INPP5D: variants seen among roughly 807,000 people sequenced by gnomAD.
INPP5D encodes the protein phosphatidylinositol 3,4,5-trisphosphate 5-phosphatase 1.
Under a neutral mutation model 122.9 loss-of-function variants are expected in INPP5D, and 33 were observed. The observed-to-expected ratio is 0.27, with a 90% confidence interval of 0.20 to 0.36. The LOEUF (loss-of-function observed/expected upper bound fraction) is 0.36, where lower values mean the gene tolerates loss of function less well. Among genes scored for constraint, INPP5D ranks in the 10% least tolerant of loss-of-function variants. The pLI is 1.00. For synonymous variants in INPP5D, 584 were observed against 576.2 expected, an observed-to-expected ratio of 1.01 and a Z score of -0.19; for missense variants, 1,053 against 1,412.7, an observed-to-expected ratio of 0.75 and a Z score of 4.08.
intron 2 of INPP5D, among the ~76,000 whole-genome samples, chr2:233,118,340 C>T (rs1452405052): frequency 6.6e-6 from 1 of 152,214 alleles, no homozygotes; most frequent in African/African-American, 2.4e-5. Flanking sequence ...CTGCTCCTCT[C>T]TGCACTGCAC....
At position 233,137,855 on chromosome 2, in the gene INPP5D, T is replaced by A. The variant is rs991738470; in HGVS notation, c.666-1987T>A. 5.4e-3 allele frequency among the ~76,000 whole-genome samples: 128 copies of A among 23,830 alleles called. 11 individuals are homozygous for A. The highest frequency in any genetic ancestry group is 0.017 in the South Asian group (7 of 406). 15.6% of individuals were successfully genotyped at this position (23,830 alleles called of 152,430 possible). A position where few individuals can be genotyped will look rare whatever the true frequency, so the allele number is the denominator to read the frequency against. On this transcript the variant is annotated intron_variant, in intron 5 of 26. Coordinates refer to ENST00000445964, the MANE Select transcript of INPP5D (RefSeq NM_001017915.3). ...CACAAAAAAAAAAAAAAAAAAAAAA[T>A]ATATATATATATATATATATATATA...
At position 233,082,461 on chromosome 2, in the gene INPP5D, A is replaced by G. The variant is rs1559280032; in HGVS notation, c.198+3063A>G. Among the ~76,000 whole-genome samples, 1 of 152,204 alleles carries G rather than the reference A, an allele frequency of 6.6e-6. No individual in the cohort carries two copies. Among genetic ancestry groups the G allele is most frequent in the Non-Finnish European group, 1.5e-5 (1 of 68,040 alleles). ...CTGACACCTGAGCCTGTTCAGTGCCACCAGAATACGAGGCTCCCCAAAATA... is the reference window on the plus strand; with the variant it reads ...CTGACACCTGAGCCTGTTCAGTGCCGCCAGAATACGAGGCTCCCCAAAATA... On this transcript the variant is annotated intron_variant, in intron 2 of 26. Coordinates refer to ENST00000445964, the MANE Select transcript of INPP5D (RefSeq NM_001017915.3). The surrounding 1 kb of genome is among the most constrained non-coding windows in gnomAD (Gnocchi z 4.7).
chr2:233,102,786 C>T (rs1271079277), intron 2 of INPP5D, among the ~76,000 whole-genome samples: 1 of 149,080 alleles, frequency 6.7e-6, no homozygotes, highest in Middle Eastern at 3.3e-3. Flanking sequence ...GGAAGCGGAG[C>T]TTGCAGTGAG....
intron 9 of INPP5D, among the ~76,000 whole-genome samples, chr2:233,149,024 AT>A (rs369942525): frequency 1.5e-3 from 228 of 151,028 alleles, no homozygotes; most frequent in African/African-American, 5.4e-3. Context: ...TGCAACAATG[AT>A]TCACAGTTTT....
chr2:233,169,180 G>C, intron 13 of INPP5D, 125 bp from the exon 14 acceptor site: 1 of 1,431,886 alleles, frequency 7.0e-7, no homozygotes, highest in South Asian at 1.3e-5. Flanking sequence ...GCACGACCCT[G>C]TTTCGCCCAT....
chr2:233,083,604 G>T lies in INPP5D; in HGVS notation c.198+4206G>T, dbSNP rs180764165. 2.2e-4 allele frequency among the ~76,000 whole-genome samples: 34 copies of T among 152,270 alleles called. 1 individual carries two copies. The highest frequency in any genetic ancestry group is 2.1e-3 in the Admixed American group (32 of 15,290). ...AAAACTCCTTTCTTGACTTGGAAAG[G>T]GAAGTGACTCTCCCCTAAGAGAAGC... On this transcript the variant is annotated intron_variant, in intron 2 of 26. Transcript: ENST00000445964.
chr2:233,107,352 C>T (rs902339356), intron 2 of INPP5D, among the ~76,000 whole-genome samples: 1 of 152,186 alleles, frequency 6.6e-6, no homozygotes, highest in Non-Finnish European at 1.5e-5. Context: ...CATTGGCTAT[C>T]TTGGGTGGGC....
chr2:233,157,548 C>G (rs1223374694), intron 9 of INPP5D, among the ~76,000 whole-genome samples: 2 of 152,120 alleles, frequency 1.3e-5, no homozygotes, highest in African/African-American at 2.4e-5. Context: ...ATAACAAACA[C>G]TGAGTACTTA....
rs1379116533 is a variant in INPP5D, at chr2:233,206,262, A to G, written c.3568-444A>G. Among the ~76,000 whole-genome samples the G allele has an allele frequency of 6.6e-6, 1 of 151,932 alleles. No individual in the cohort carries two copies. Among genetic ancestry groups the G allele is most frequent in the Admixed American group, 6.6e-5 (1 of 15,236 alleles). On this transcript the variant is annotated intron_variant, in intron 26 of 26. Coordinates refer to ENST00000445964, the MANE Select transcript of INPP5D (RefSeq NM_001017915.3). The surrounding 1 kb of genome is among the most constrained non-coding windows in gnomAD (Gnocchi z 4.0). ...ATTATTACCATGTATTATCATCTAT[A>G]TAGAAATTATATATTTATATTTATG...
At chr2:233,157,506 G>A (rs940691226) in intron 9 of INPP5D, among the ~76,000 whole-genome samples, 1 of 152,106 alleles carries the variant, frequency 6.6e-6, no homozygotes, top group Non-Finnish European at 1.5e-5. Context: ...AACATTCAGG[G>A]CTGGTCTGTC....
intron 11 of INPP5D, among the ~76,000 whole-genome samples, chr2:233,163,048 A>G (rs1215827291): frequency 6.6e-6 from 1 of 152,190 alleles, no homozygotes; most frequent in Non-Finnish European, 1.5e-5. Flanking sequence ...GGGGAGCAGA[A>G]TTTAGCCACA....
intron 5 of INPP5D, among the ~76,000 whole-genome samples, chr2:233,139,209 T>A (rs2106272661): frequency 6.6e-6 from 1 of 152,244 alleles, no homozygotes; most frequent in South Asian, 2.1e-4. Context: ...AAGTGAAAAG[T>A]AGAACTCAAA....
intron 26 of INPP5D, chr2:233,205,443 C>A (rs546549998): frequency 6.7e-6 from 1 of 150,162 alleles, no homozygotes. Flanking sequence ...CTCACTGCAA[C>A]CTGCGCCTCC....
chr2:233,172,980 G>A (rs1019689240), intron 17 of INPP5D, among the ~76,000 whole-genome samples: 2 of 152,178 alleles, frequency 1.3e-5, no homozygotes, highest in Admixed American at 1.3e-4. Flanking sequence ...AGGCCGAGGT[G>A]GGTGGATCAC....
intron 22 of INPP5D, among the ~76,000 whole-genome samples, chr2:233,192,243 G>A (rs889267549): frequency 6.6e-6 from 1 of 152,142 alleles, no homozygotes; most frequent in Non-Finnish European, 1.5e-5. Flanking sequence ...CAAAACACAC[G>A]CTTCATTTTC....
rs548172622 is a variant in INPP5D at position 233,089,250 on chromosome 2, T to C, written c.198+9852T>C. ...ATCTTGTCATCCCTTTCTGGCCTGG[T>C]TGCCTTTTGTTGAGCCCCTGTCAGG... On this transcript the variant is annotated intron_variant, in intron 2 of 26. Coordinates refer to ENST00000445964, the MANE Select transcript of INPP5D (RefSeq NM_001017915.3). 7.9e-5 allele frequency among the ~76,000 whole-genome samples: 12 copies of C among 152,350 alleles called. No homozygotes were observed. The South Asian group carries it at 2.5e-3, about 32-fold the overall frequency.
chr2:233,206,260 A>G lies in INPP5D; in HGVS notation c.3568-446A>G, dbSNP rs116061588. 0.012 allele frequency among the ~76,000 whole-genome samples: 1,897 copies of G among 152,056 alleles called. 47 individuals are homozygous for G. Among genetic ancestry groups the G allele is most frequent in the African/African-American group, 0.043 (1,781 of 41,494 alleles). On this transcript the variant is annotated intron_variant, in intron 26 of 26. Transcript: ENST00000445964. This position sits in a 1 kb window ranked among gnomAD's most constrained non-coding sequence, Gnocchi z 4.0. Reference sequence around the variant, plus strand: ...GTATTATTACCATGTATTATCATCTATATAGAAATTATATATTTATATTTA... The same window carrying G: ...GTATTATTACCATGTATTATCATCTGTATAGAAATTATATATTTATATTTA...
rs910575453 is a variant in INPP5D, at chr2:233,164,748, A to C, written c.1555+324A>C. On this transcript the variant is annotated intron_variant, in intron 13 of 26. Coordinates refer to ENST00000445964, the MANE Select transcript of INPP5D (RefSeq NM_001017915.3). The surrounding 1 kb of genome is among the most constrained non-coding windows in gnomAD (Gnocchi z 4.3). ...TCGGCCCGTGGGACCCATTTTAAGAAGCAAGAACCTAGAAGAGGCATTGGC... is the reference window on the plus strand; with the variant it reads ...TCGGCCCGTGGGACCCATTTTAAGACGCAAGAACCTAGAAGAGGCATTGGC... 6.6e-6 allele frequency among the ~76,000 whole-genome samples: 1 copy of C among 152,232 alleles called. No homozygotes were observed. The highest frequency in any genetic ancestry group is 1.5e-5 in the Non-Finnish European group (1 of 68,030).
intron 1 of INPP5D, among the ~76,000 whole-genome samples, chr2:233,063,332 T>A (rs929725103): frequency 6.6e-6 from 1 of 152,212 alleles, no homozygotes; most frequent in African/African-American, 2.4e-5. Context: ...TCATCCTGCC[T>A]GGGCCCCAGC....
Sources: allele counts gnomAD v4.1 joint callset (sites outside exome capture counted in the v4.1 genomes callset), GRCh38; gene constraint gnomAD v4.1.1; non-coding constraint Gnocchi (gnomAD v3.1); transcripts MANE v1.5; gene names NCBI Gene and HGNC (gene_info 2026-07-23, HGNC 2026-07-21).